Variants in ADCY9 observed in about 807,000 individuals in gnomAD.
ADCY9 encodes adenylate cyclase 9, also known as adenylate cyclase type 9.
ADCY9 carries 50 observed loss-of-function variants against 101.5 expected under a neutral mutation model. That is an observed-to-expected ratio of 0.49 (90% confidence interval 0.39 to 0.62). The LOEUF is 0.62. Among genes scored for constraint, ADCY9 ranks in the 20% least tolerant of loss-of-function variants. The pLI, the probability that ADCY9 is intolerant of heterozygous loss-of-function variation, is 0.00. For missense variants in ADCY9, 1,662 were observed against 1,800.4 expected, an observed-to-expected ratio of 0.92 and a Z score of 1.39; for synonymous variants, 905 against 769.3, an observed-to-expected ratio of 1.18 and a Z score of -2.92.
intron 3 of ADCY9, among the ~76,000 whole-genome samples, chr16:4,006,335 C>T (rs530337681): frequency 2.2e-4 from 33 of 152,300 alleles, no homozygotes; most frequent in African/African-American, 7.5e-4. Context: ...ACTAACAAAG[C>T]ACCCAACGAC....
In ADCY9 at chr16:4,115,614, G is replaced by C; in HGVS notation, c.-44+76C>G. 2.5e-6 allele frequency: 2 copies of C among 792,302 alleles called. No individual in the cohort carries two copies. Among genetic ancestry groups the C allele is most frequent in the Non-Finnish European group, 3.9e-6 (2 of 519,174 alleles). The allele number at this position is 792,302 out of a possible 1,614,324, so 49.1% of individuals were successfully genotyped here. On this transcript the variant is annotated intron_variant, in intron 1 of 10. Coordinates refer to ENST00000294016, the MANE Select transcript of ADCY9 (RefSeq NM_001116.4). The surrounding 1 kb of genome is among the most constrained non-coding windows in gnomAD (Gnocchi z 6.2). The stretch of plus-strand genomic sequence containing the variant: ...TGGACAGGCACCATCTGTTCCTGTG[G>C]TTCCCGGCTCAGCGGTGCTCCCACC...
At chr16:4,039,679 CAAAA>C (rs35158886) in intron 2 of ADCY9, among the ~76,000 whole-genome samples, 9 of 64,648 alleles carry the variant, frequency 1.4e-4, no homozygotes, top group African/African-American at 3.9e-4. Context: ...AACTCTGTCT[CAAAA>C]AAAAAAAAAA....
At chr16:4,075,178 T>TAC (rs1483439975) in intron 2 of ADCY9, among the ~76,000 whole-genome samples, 2 of 151,354 alleles carry the variant, frequency 1.3e-5, no homozygotes, top group Non-Finnish European at 3.0e-5. Flanking sequence ...CCTGTTACTA[T>TAC]ATATATATGG....
At chr16:4,084,427 T>A (rs977667828) in intron 2 of ADCY9, among the ~76,000 whole-genome samples, 3 of 152,012 alleles carry the variant, frequency 2.0e-5, no homozygotes, top group Non-Finnish European at 2.9e-5. Context: ...AAAGCATTTT[T>A]TAAAAAATGA....
chr16:4,041,755 G>GTTT (rs35300888), intron 2 of ADCY9, among the ~76,000 whole-genome samples: 1 of 135,958 alleles, frequency 7.4e-6, no homozygotes, highest in Admixed American at 7.5e-5. Flanking sequence ...GATTTTTTTT[G>GTTT]TTTTTTTTTT....
chr16:4,051,163 T>C (rs2056698739), intron 2 of ADCY9, among the ~76,000 whole-genome samples: 1 of 150,026 alleles, frequency 6.7e-6, no homozygotes, highest in South Asian at 2.1e-4. Context: ...CAGTGAGCCA[T>C]GATCACGCCA....
chr16:3,992,506 C>T lies in ADCY9; in HGVS notation c.1990-143G>A. On this transcript the variant is annotated intron_variant, in intron 4 of 10. Transcript: ENST00000294016. The surrounding 1 kb of genome is among the most constrained non-coding windows in gnomAD (Gnocchi z 4.2). ...TTTCTGACCTGCGAGGAACCCCCACCCCCCTGCGCCTACAGACCTGCTCCA... is the reference window on the plus strand; with the variant it reads ...TTTCTGACCTGCGAGGAACCCCCACTCCCCTGCGCCTACAGACCTGCTCCA... 1.4e-6 allele frequency: 1 copy of T among 718,250 alleles called. No homozygotes were observed. Among genetic ancestry groups the T allele is most frequent in the East Asian group, 2.7e-5 (1 of 36,926 alleles). 44.5% of individuals were successfully genotyped at this position (718,250 alleles called of 1,614,324 possible).
Position 4,115,469 on chromosome 16 carries a change from G to T in ADCY9, c.-27C>A. 2 of 1,505,816 alleles carry T rather than the reference G, an allele frequency of 1.3e-6. No homozygotes were observed. Among genetic ancestry groups the T allele is most frequent in the Non-Finnish European group, 8.9e-7 (1 of 1,126,696 alleles). 93.3% of individuals were successfully genotyped at this position (1,505,816 alleles called of 1,614,324 possible). On this transcript the variant is annotated 5_prime_UTR_variant, in exon 2 of 11. Transcript: ENST00000294016. This position sits in a 1 kb window ranked among gnomAD's most constrained non-coding sequence, Gnocchi z 6.2. The stretch of plus-strand genomic sequence containing the variant: ...TTGTCGAGTCCCGGGGCCTGCCCCG[G>T]CCGGGGTCACCAGTACCTGCCAGCA...
chr16:4,029,065 G>C (rs1361420485), intron 2 of ADCY9, among the ~76,000 whole-genome samples: 1 of 152,104 alleles, frequency 6.6e-6, no homozygotes, highest in African/African-American at 2.4e-5. Context: ...TTACAGACGT[G>C]AGCCACTGCG....
intron 2 of ADCY9, among the ~76,000 whole-genome samples, chr16:4,100,541 G>A (rs1247660779): frequency 6.6e-6 from 1 of 151,930 alleles, no homozygotes; most frequent in Non-Finnish European, 1.5e-5. Context: ...ATGTCGGACA[G>A]GCTGGTCTCG....
At chr16:4,038,905 T>C (rs1339056820) in intron 2 of ADCY9, among the ~76,000 whole-genome samples, 1 of 152,060 alleles carries the variant, frequency 6.6e-6, no homozygotes, top group Non-Finnish European at 1.5e-5. Context: ...AGGCTTCCAG[T>C]TTCTCCTCTT....
At chr16:3,961,461 A>C (rs1383636311), downstream of ADCY9, among the ~76,000 whole-genome samples, 2 of 151,118 alleles carry the variant, frequency 1.3e-5, no homozygotes, top group East Asian at 3.9e-4. Context: ...AAAAAAAAAA[A>C]CCGAACAAAA....
In ADCY9 at chr16:3,965,327, T is replaced by C. The variant is rs1438666729; in HGVS notation, c.*448A>G. On this transcript the variant is annotated 3_prime_UTR_variant, in exon 11 of 11. Coordinates refer to ENST00000294016, the MANE Select transcript of ADCY9 (RefSeq NM_001116.4). ...CGGGTCGTAGAGGAACACTGTGACA[T>C]AGACAGAAACAAAATAAACTCAAAA... 2.1e-5 allele frequency: 4 copies of C among 193,500 alleles called. No individual in the cohort carries two copies. Among genetic ancestry groups the C allele is most frequent in the Admixed American group, 5.4e-5 (1 of 18,668 alleles). The allele number at this position is 193,500 out of a possible 1,614,324, so 12.0% of individuals were successfully genotyped here. A position where few individuals can be genotyped will look rare whatever the true frequency, so the allele number is the denominator to read the frequency against.
intron 2 of ADCY9, among the ~76,000 whole-genome samples, chr16:4,044,382 T>C (rs1169124330): frequency 2.6e-5 from 4 of 151,494 alleles, no homozygotes; most frequent in Non-Finnish European, 5.9e-5. Context: ...AAAAAAAAAA[T>C]TCTAAAACAC....
chr16:4,116,009 G>A lies in ADCY9; in HGVS notation c.-363C>T, dbSNP rs1224445926. The A allele has an allele frequency of 5.7e-6, 1 of 174,044 alleles. No individual in the cohort carries two copies. Among genetic ancestry groups the A allele is most frequent in the African/African-American group, 2.4e-5 (1 of 41,508 alleles). 10.8% of individuals were successfully genotyped at this position (174,044 alleles called of 1,614,324 possible). On this transcript the variant is annotated 5_prime_UTR_variant, in exon 1 of 11. Transcript: ENST00000294016. ...CCGACCCGGAGCAGCGAGCTTCGGC[G>A]GGCGCCCCCGGCTCGCGCTCCCCGG...
At chr16:4,113,337 CAAAAAGGGCAGAG>C (rs547246465) in intron 2 of ADCY9, among the ~76,000 whole-genome samples, 10 of 152,168 alleles carry the variant, frequency 6.6e-5, no homozygotes, top group African/African-American at 2.4e-4. Flanking sequence ...CACGTTTTCG[CAAAAAGGGCAGAG>C]AGAAACATTT....
At chr16:4,048,077 T>C (rs963947891) in intron 2 of ADCY9, among the ~76,000 whole-genome samples, 1 of 148,436 alleles carries the variant, frequency 6.7e-6, no homozygotes, top group Non-Finnish European at 1.5e-5. Context: ...CAGGTCCTAG[T>C]CTGGGAAGGG....
At chr16:4,009,554 G>A (rs1177324897) in intron 2 of ADCY9, among the ~76,000 whole-genome samples, 1 of 152,124 alleles carries the variant, frequency 6.6e-6, no homozygotes, top group Non-Finnish European at 1.5e-5. Flanking sequence ...ACCACACCTG[G>A]TCCAATGAAA....
At chr16:4,054,382 C>T (rs2056722380) in intron 2 of ADCY9, among the ~76,000 whole-genome samples, 1 of 151,764 alleles carries the variant, frequency 6.6e-6, no homozygotes, top group Admixed American at 6.6e-5. Flanking sequence ...TCCCGATTTT[C>T]CCAAACTGTG....
Sources: allele counts gnomAD v4.1 joint callset (sites outside exome capture counted in the v4.1 genomes callset), GRCh38; gene constraint gnomAD v4.1.1; non-coding constraint Gnocchi (gnomAD v3.1); transcripts MANE v1.5; gene names NCBI Gene and HGNC (gene_info 2026-07-23, HGNC 2026-07-21).